MYOM3: variants seen among roughly 807,000 people sequenced by gnomAD.
MYOM3 encodes the protein myomesin-3.
A neutral mutation model predicts 191.7 loss-of-function variants in MYOM3; 155 were observed. That is an observed-to-expected ratio of 0.81 (90% CI 0.71 to 0.92). The LOEUF is 0.92. Among genes scored for constraint, MYOM3 ranks in the 40% least tolerant of loss-of-function variants. MYOM3 has a pLI of 0.00. For missense variants in MYOM3, 1,889 were observed against 1,890.6 expected, an observed-to-expected ratio of 1.00 and a Z score of 0.02; for synonymous variants, 757 against 762.9, an observed-to-expected ratio of 0.99 and a Z score of 0.13.
At position 24,091,012 on chromosome 1, in the gene MYOM3, C is replaced by G. The variant is rs759096155; in HGVS notation, c.1233-16G>C. 3.1e-6 allele frequency: 5 copies of G among 1,601,174 alleles called. No homozygotes were observed. Among genetic ancestry groups the G allele is most frequent in the Non-Finnish European group, 4.2e-6 (5 of 1,179,534 alleles). On this transcript the variant is annotated splice_polypyrimidine_tract_variant and intron_variant, in intron 11 of 36. Transcript: ENST00000374434. ...GCCCTGGCACCTGTTGGAGACAGGCCCCCCCTTTCAGCCCCTGCCCACAAT... is the reference window on the plus strand; with the variant it reads ...GCCCTGGCACCTGTTGGAGACAGGCGCCCCCTTTCAGCCCCTGCCCACAAT...
At chr1:24,091,624 G>A (rs940540888) in intron 11 of MYOM3, among the ~76,000 whole-genome samples, 3 of 152,286 alleles carry the variant, frequency 2.0e-5, no homozygotes, top group African/African-American at 7.2e-5. Context: ...TATAGAAGAG[G>A]GCATTAGATA....
At chr1:24,058,817 A>T in intron 36 of MYOM3, 107 bp downstream of exon 36, 1 of 844,902 alleles carries the variant, frequency 1.2e-6, no homozygotes, top group Non-Finnish European at 2.0e-6. Context: ...TCACTTGGCC[A>T]CTCTTTGGCT....
rs994609005 is a variant in MYOM3, at chr1:24,086,764, A to C, written c.1678T>G (p.Phe560Val). The C allele has an allele frequency of 1.2e-6, 2 of 1,614,046 alleles. 1 individual carries two copies. Among genetic ancestry groups the C allele is most frequent in the African/African-American group, 2.7e-5 (2 of 74,924 alleles). ...SSESPVRSPR[F>V]AVLDLEKKKS... ...TTTTTCTCCAGGTCCAGAACGGCGA[A>C]TCTCGGGGATCTCACAGGGCTTTCC... The change falls in exon 15 of 37, where the codon TTC becomes GTC. Residue 560 changes from phenylalanine (F) to valine (V), a missense_variant. By Grantham distance (50) the Phe-to-Val change is conservative. Transcript: ENST00000374434.
chr1:24,082,241 G>C, intron 17 of MYOM3, 53 bp from the exon 18 acceptor site: 1 of 1,475,864 alleles, frequency 6.8e-7, no homozygotes, highest in Non-Finnish European at 9.1e-7. Flanking sequence ...TGGCTGGATT[G>C]GACAGTGGGG....
At chr1:24,091,870 A>T (rs1385793995) in intron 11 of MYOM3, among the ~76,000 whole-genome samples, 2 of 152,140 alleles carry the variant, frequency 1.3e-5, no homozygotes, top group Non-Finnish European at 2.9e-5. Context: ...TAGCCCACGA[A>T]TTCACTGTGC....
chr1:24,082,830 C>T, intron 16 of MYOM3, 116 bp from the exon 17 acceptor site: 1 of 1,302,304 alleles, frequency 7.7e-7, no homozygotes, highest in South Asian at 1.7e-5. Flanking sequence ...TTTGAAGGTT[C>T]AGGTCAATTC....
At chr1:24,094,094 C>A (rs1643865822) in intron 9 of MYOM3, among the ~76,000 whole-genome samples, 1 of 152,090 alleles carries the variant, frequency 6.6e-6, no homozygotes, top group Admixed American at 6.6e-5. Context: ...TGCAGCCTGC[C>A]CTGAGCACTT....
intron 5 of MYOM3, among the ~76,000 whole-genome samples, chr1:24,105,231 C>G (rs150496513): frequency 2.6e-5 from 4 of 152,168 alleles, no homozygotes; most frequent in African/African-American, 7.2e-5. Context: ...ACATGCAGGC[C>G]GGACAGGAGG....
chr1:24,110,832 G>C (rs999861219), intron 1 of MYOM3, among the ~76,000 whole-genome samples: 1 of 152,200 alleles, frequency 6.6e-6, no homozygotes, highest in Non-Finnish European at 1.5e-5. Context: ...TGGCCCAGGA[G>C]GAGAGCTGCT....
chr1:24,085,702 G>A (rs1643730091), intron 15 of MYOM3, among the ~76,000 whole-genome samples: 1 of 152,130 alleles, frequency 6.6e-6, no homozygotes, highest in Non-Finnish European at 1.5e-5. Context: ...TGTGGTTTAT[G>A]GTCCAGAGAC....
intron 14 of MYOM3, 75 bp downstream of exon 14, chr1:24,089,463 G>A: frequency 6.7e-7 from 1 of 1,491,870 alleles, no homozygotes; most frequent in East Asian, 2.4e-5. Context: ...GGCCTCCCCA[G>A]GGGACACTGC....
chr1:24,100,524 T>C (rs1231662024), intron 5 of MYOM3, among the ~76,000 whole-genome samples: 1 of 152,110 alleles, frequency 6.6e-6, no homozygotes, highest in Admixed American at 6.6e-5. Flanking sequence ...CTGCCGCTCT[T>C]CCCAACCCCT....
chr1:24,070,624 G>C (rs924021579), intron 25 of MYOM3, among the ~76,000 whole-genome samples: 1 of 151,894 alleles, frequency 6.6e-6, no homozygotes, highest in Admixed American at 6.6e-5. Flanking sequence ...AAATAAAATT[G>C]TTTGGGAGAC....
At chr1:24,058,813 G>T in intron 36 of MYOM3, 111 bp downstream of exon 36, 1 of 800,966 alleles carries the variant, frequency 1.2e-6, no homozygotes, top group East Asian at 2.6e-5. Flanking sequence ...GTGGTCACTT[G>T]GCCACTCTTT....
intron 20 of MYOM3, among the ~76,000 whole-genome samples, chr1:24,076,969 C>G (rs1161998701): frequency 6.6e-6 from 1 of 152,116 alleles, no homozygotes. Context: ...CTACAGGCAC[C>G]CACCACCATG....
At chr1:24,076,361 T>A in intron 20 of MYOM3, 88 bp from the exon 21 acceptor site, 2 of 896,382 alleles carry the variant, frequency 2.2e-6, no homozygotes, top group Non-Finnish European at 3.7e-6. Flanking sequence ...CCACTCTCAA[T>A]AAGAAAACCC....
Position 24,065,994 on chromosome 1 carries a change from T to C in MYOM3, c.3431A>G (p.Asn1144Ser), listed in dbSNP as rs922304360. 9 of 1,611,386 alleles carry C rather than the reference T, an allele frequency of 5.6e-6. No homozygotes were observed. Among genetic ancestry groups the C allele is most frequent in the Non-Finnish European group, 7.6e-6 (9 of 1,177,462 alleles). ...CTGAAAGCGAGTCTCCTTCTTGGTG[T>C]TGGTCACCTGGGGAAGGTGGGGAAT... ...CQVQLTCKVT[N>S]TKKETRFQWF... Residue 1144 changes from asparagine (N) to serine (S), a missense_variant, in exon 29 of 37, where the codon AAC becomes AGC. Asn to Ser is a conservative substitution (Grantham distance 46). Transcript: ENST00000374434.
rs749078186 is a variant in MYOM3, at chr1:24,091,039, C to T, written c.1233-43G>A. On this transcript the variant is annotated intron_variant, in intron 11 of 36. Coordinates refer to ENST00000374434, the MANE Select transcript of MYOM3 (RefSeq NM_152372.4). The stretch of plus-strand genomic sequence containing the variant: ...CCCCTTTCAGCCCCTGCCCACAATG[C>T]ACACCTTCCCAATGTGAGCCTCTAC... The T allele has an allele frequency of 6.2e-6, 10 of 1,600,310 alleles. No individual in the cohort carries two copies. In the East Asian group the frequency reaches 8.9e-5, roughly 14 times the overall value.
At chr1:24,077,520 G>T (rs7556666) in intron 20 of MYOM3, among the ~76,000 whole-genome samples, 2,532 of 152,278 alleles carry the variant, frequency 0.017, 66 homozygotes, top group African/African-American at 0.058. Flanking sequence ...GCTCACTCCA[G>T]TGTAGCCTGT....
Sources: allele counts gnomAD v4.1 joint callset (sites outside exome capture counted in the v4.1 genomes callset), GRCh38; gene constraint gnomAD v4.1.1; transcripts MANE v1.5; gene names NCBI Gene and HGNC (gene_info 2026-07-23, HGNC 2026-07-21).